The following RERE variants were observed in gnomAD, a reference collection of about 807,000 sequenced individuals.
RERE encodes the protein arginine-glutamic acid dipeptide repeats.
In RERE, 40 loss-of-function variants were observed where a neutral mutation model predicts 146.1. The ratio of observed to expected loss-of-function variants is 0.27; its 90% CI spans 0.21 to 0.36. The LOEUF (loss-of-function observed/expected upper bound fraction) is 0.36, where lower values mean the gene tolerates loss of function less well. Among genes scored for constraint, RERE ranks in the 10% least tolerant of loss-of-function variants. The pLI is 1.00. For synonymous variants in RERE, 1,003 were observed against 866.0 expected, an observed-to-expected ratio of 1.16 and a Z score of -2.78; for missense variants, 1,933 against 2,138.7, an observed-to-expected ratio of 0.90 and a Z score of 1.90.
chr1:8,388,285 G>A (rs182297134), intron 12 of RERE, among the ~76,000 whole-genome samples: 61 of 151,946 alleles, frequency 4.0e-4, no homozygotes, highest in African/African-American at 1.4e-3. Context: ...AAGGACAGGG[G>A]ATTGCACCGG....
At chr1:8,418,187 A>C (rs1317808930) in intron 12 of RERE, among the ~76,000 whole-genome samples, 1 of 152,202 alleles carries the variant, frequency 6.6e-6, no homozygotes, top group Non-Finnish European at 1.5e-5. Flanking sequence ...CAGAACTTTA[A>C]AAAATTGAAC....
rs986562374 is a variant in RERE, at chr1:8,696,590, G to C, written c.-144-40149C>G. On this transcript the variant is annotated intron_variant, in intron 1 of 22. Coordinates refer to ENST00000400908, the MANE Select transcript of RERE (RefSeq NM_001042681.2). Reference sequence around the variant, plus strand: ...GATTGTGCCACTGAACTCCTGCCTAGGCAACAGAGTGAGACACTCTCACAA... The same window carrying C: ...GATTGTGCCACTGAACTCCTGCCTACGCAACAGAGTGAGACACTCTCACAA... Among the ~76,000 whole-genome samples the C allele has an allele frequency of 3.9e-5, 6 of 152,198 alleles. No individual in the cohort carries two copies. The East Asian group carries it at 1.2e-3, about 29-fold the overall frequency.
chr1:8,444,532 G>A (rs1644293127), intron 11 of RERE, among the ~76,000 whole-genome samples: 1 of 152,182 alleles, frequency 6.6e-6, no homozygotes, highest in Non-Finnish European at 1.5e-5. Flanking sequence ...AGGACATGTG[G>A]TTTGCGGGAA....
intron 11 of RERE, chr1:8,429,765 C>G (rs1228628105): frequency 6.6e-6 from 1 of 152,628 alleles, no homozygotes; most frequent in Non-Finnish European, 1.5e-5. Flanking sequence ...GTGAAAATGG[C>G]TCCTTCTGTT....
intron 4 of RERE, among the ~76,000 whole-genome samples, chr1:8,580,593 T>C (rs1646351559): frequency 6.6e-6 from 1 of 152,222 alleles, no homozygotes; most frequent in African/African-American, 2.4e-5. Flanking sequence ...GATTTTTAGA[T>C]ACACTATTTA....
At chr1:8,435,084 T>C (rs1056101399) in intron 11 of RERE, among the ~76,000 whole-genome samples, 16 of 152,226 alleles carry the variant, frequency 1.1e-4, no homozygotes, top group African/African-American at 3.9e-4. Context: ...ACAAGATTCA[T>C]TACTAAAACC....
At chr1:8,778,063 A>G (rs1641101459) in intron 1 of RERE, among the ~76,000 whole-genome samples, 1 of 152,138 alleles carries the variant, frequency 6.6e-6, no homozygotes. Context: ...AGAATACAGC[A>G]GCTCAATCAT....
chr1:8,401,214 G>A (rs1485241747), intron 12 of RERE, among the ~76,000 whole-genome samples: 11 of 151,422 alleles, frequency 7.3e-5, no homozygotes, highest in Admixed American at 7.2e-4. Flanking sequence ...AAATGCACTT[G>A]TTTCTCAGTG....
At chr1:8,813,881 C>T (rs1363149057) in intron 1 of RERE, among the ~76,000 whole-genome samples, 1 of 152,204 alleles carries the variant, frequency 6.6e-6, no homozygotes, top group Non-Finnish European at 1.5e-5. Context: ...TCCCAAAGTG[C>T]TGGGATTACA....
chr1:8,448,754 G>A (rs571585701), intron 11 of RERE, among the ~76,000 whole-genome samples: 4 of 151,904 alleles, frequency 2.6e-5, no homozygotes, highest in Admixed American at 6.6e-5. Context: ...TCTTGAACCC[G>A]GGAGGCGCAG....
intron 2 of RERE, among the ~76,000 whole-genome samples, chr1:8,646,038 A>T (rs1647291054): frequency 6.6e-6 from 1 of 151,898 alleles, no homozygotes; most frequent in Non-Finnish European, 1.5e-5. Flanking sequence ...TACAACTAAG[A>T]GAACTGAGGA....
At chr1:8,527,721 C>T (rs1287856124) in intron 7 of RERE, among the ~76,000 whole-genome samples, 1 of 152,178 alleles carries the variant, frequency 6.6e-6, no homozygotes, top group East Asian at 1.9e-4. Context: ...CATTGTCTTT[C>T]CTGGTGCTGG....
At chr1:8,488,172 TGTCA>T (rs1280879857) in intron 10 of RERE, among the ~76,000 whole-genome samples, 4 of 152,090 alleles carry the variant, frequency 2.6e-5, no homozygotes, top group African/African-American at 4.8e-5. Flanking sequence ...ATTGTTAGGA[TGTCA>T]GTATTTCCCA....
chr1:8,491,545 G>A (rs891796184), intron 10 of RERE, among the ~76,000 whole-genome samples: 3 of 151,722 alleles, frequency 2.0e-5, no homozygotes, highest in African/African-American at 7.3e-5. Context: ...CTTGAGCCCA[G>A]GAGGTCAAGG....
chr1:8,544,241 A>C (rs147562761), intron 6 of RERE, among the ~76,000 whole-genome samples: 287 of 152,324 alleles, frequency 1.9e-3, no homozygotes, highest in African/African-American at 6.8e-3. Context: ...ACAAGGTATT[A>C]AATTTTTAAA....
chr1:8,804,980 T>C (rs1641656660), intron 1 of RERE, among the ~76,000 whole-genome samples: 1 of 151,314 alleles, frequency 6.6e-6, no homozygotes, highest in South Asian at 2.1e-4. Flanking sequence ...CTTTTTCAAA[T>C]GATTTTTTTT....
chr1:8,803,732 G>T (rs1284684033), intron 1 of RERE, among the ~76,000 whole-genome samples: 120 of 141,824 alleles, frequency 8.5e-4, no homozygotes, highest in Non-Finnish European at 9.0e-4. Context: ...CTGGTTTTTT[G>T]TTTTTTTTTT....
rs748036426 is a variant in RERE, at chr1:8,361,743, G to C, written c.2016+20C>G. On this transcript the variant is annotated intron_variant, in intron 17 of 22. Transcript: ENST00000400908. ...AAGAAGCATTAGCTTTACTCAGCAA[G>C]GCTCAGCAGCAAACCTCACCTGCGT... 1 of 1,587,538 alleles carries C rather than the reference G, an allele frequency of 6.3e-7. No individual in the cohort carries two copies. Among genetic ancestry groups the C allele is most frequent in the South Asian group, 1.1e-5 (1 of 90,546 alleles).
intron 4 of RERE, among the ~76,000 whole-genome samples, chr1:8,608,225 G>C (rs1369383480): frequency 6.6e-6 from 1 of 152,152 alleles, no homozygotes; most frequent in African/African-American, 2.4e-5. Context: ...TACGGAACAA[G>C]GGCTGTGCCA....
Sources: allele counts gnomAD v4.1 joint callset (sites outside exome capture counted in the v4.1 genomes callset), GRCh38; gene constraint gnomAD v4.1.1; transcripts MANE v1.5; gene names NCBI Gene and HGNC (gene_info 2026-07-23, HGNC 2026-07-21).